FAM177A1: variants seen among roughly 807,000 people sequenced by gnomAD.
FAM177A1 encodes protein FAM177A1.
In FAM177A1, 22 loss-of-function variants were observed where a neutral mutation model predicts 26.1. The observed-to-expected ratio is 0.84, with a 90% CI of 0.60 to 1.20. The LOEUF (loss-of-function observed/expected upper bound fraction) is 1.20. Among genes scored for constraint, FAM177A1 ranks in the 50% most tolerant of loss-of-function variants. FAM177A1 has a pLI of 0.00. For synonymous variants in FAM177A1, 95 were observed against 99.3 expected (o/e 0.96, Z 0.26); for missense variants, 296 against 291.1 (o/e 1.02, Z -0.12).
At chr14:35,076,710 T>TCTGAACCTTAATTTCC (rs1442872856) in intron 2 of FAM177A1, among the ~76,000 whole-genome samples, 1 of 152,102 alleles carries the variant, frequency 6.6e-6, no homozygotes, top group Admixed American at 6.5e-5. Flanking sequence ...GCTTAATTTC[T>TCTGAACCTTAATTTCC]CTGAACCTTA....
chr14:35,049,038 A>G (rs2044921776), intron 1 of FAM177A1, among the ~76,000 whole-genome samples: 1 of 151,878 alleles, frequency 6.6e-6, no homozygotes, highest in Admixed American at 6.6e-5. Context: ...CTACAGGCGC[A>G]CGCAACCACA....
chr14:35,060,033 G>A (rs534317616), intron 2 of FAM177A1, among the ~76,000 whole-genome samples: 1 of 151,384 alleles, frequency 6.6e-6, no homozygotes, highest in African/African-American at 2.4e-5. Context: ...GAGTGCAGTG[G>A]CGTGATCTCG....
rs531028920 is a variant in FAM177A1, at chr14:35,066,875, C to T, written c.340-10275C>T. On this transcript the variant is annotated intron_variant, in intron 2 of 4. Transcript: ENST00000280987. ...ATGGCACAATCTCAGCTCACCGCAA[C>T]CTCTGCCTCCTGGGTTAAAGCGATT... Among the ~76,000 whole-genome samples, 159 of 151,470 alleles carry T rather than the reference C, an allele frequency of 1.0e-3. 1 individual carries two copies. Among genetic ancestry groups the T allele is most frequent in the African/African-American group, 3.5e-3 (145 of 41,252 alleles).
intron 2 of FAM177A1, among the ~76,000 whole-genome samples, chr14:35,054,365 T>C (rs1414509934): frequency 6.6e-6 from 1 of 152,218 alleles, no homozygotes; most frequent in Admixed American, 6.5e-5. Context: ...ACTAGCTATA[T>C]ATTTATAAAG....
In FAM177A1 at chr14:35,082,922, TAGTA is replaced by T. The variant is rs527463486; in HGVS notation, c.*1698_*1701del. On this transcript the variant is annotated 3_prime_UTR_variant, in exon 5 of 5. Coordinates refer to ENST00000280987, the MANE Select transcript of FAM177A1 (RefSeq NM_173607.5). ...CATGGATTCATGGAATGGTGGTTCA[TAGTA>T]AGTGATGGTAATCTTTTTATTCATG... The T allele has an allele frequency of 1.8e-4, 28 of 152,212 alleles. No homozygotes were observed. Among genetic ancestry groups the T allele is most frequent in the Non-Finnish European group, 3.4e-4 (23 of 68,028 alleles). 9.4% of individuals were successfully genotyped at this position (152,212 alleles called of 1,614,324 possible).
chr14:35,080,983 C>A (rs376689716), intron 4 of FAM177A1, 39 bp from the exon 5 acceptor site: 2 of 1,516,376 alleles, frequency 1.3e-6, no homozygotes, highest in Non-Finnish European at 1.8e-6. Flanking sequence ...TTTGGACTTT[C>A]GTATTTCAAC....
chr14:35,053,584 AT>A (rs2045012567), intron 2 of FAM177A1, 133 bp downstream of exon 2: 1 of 779,248 alleles, frequency 1.3e-6, no homozygotes, highest in East Asian at 2.7e-5. Context: ...ATGTATGGTG[AT>A]TTTGATAGAA....
In FAM177A1 at chr14:35,071,205, G is replaced by A. The variant is rs562836250; in HGVS notation, c.340-5945G>A. 2.0e-5 allele frequency among the ~76,000 whole-genome samples: 3 copies of A among 151,954 alleles called. No homozygotes were observed. In the East Asian group the frequency reaches 5.8e-4, roughly 29 times the overall value. On this transcript the variant is annotated intron_variant, in intron 2 of 4. Coordinates refer to ENST00000280987, the MANE Select transcript of FAM177A1 (RefSeq NM_173607.5). ...TTAGAGACAGGGTTTCACCGTGTTA[G>A]CCAGGATGGTCTCGATCTCTTGACC...
chr14:35,077,240 T>C, intron 3 of FAM177A1, 24 bp downstream of exon 3: 2 of 1,605,174 alleles, frequency 1.2e-6, no homozygotes, highest in Non-Finnish European at 1.7e-6. Context: ...GCTTGAATAT[T>C]GTATAATTGC....
chr14:35,068,721 C>G (rs561697626), intron 2 of FAM177A1, among the ~76,000 whole-genome samples: 7 of 152,242 alleles, frequency 4.6e-5, no homozygotes, highest in African/African-American at 1.7e-4. Flanking sequence ...TTTTGTGCTG[C>G]TATAATGGAA....
At chr14:35,063,821 C>G (rs894223935) in intron 2 of FAM177A1, among the ~76,000 whole-genome samples, 8 of 150,578 alleles carry the variant, frequency 5.3e-5, no homozygotes, top group Admixed American at 4.6e-4. Context: ...GGGCAGATCA[C>G]TTGAGGCCAG....
At chr14:35,064,785 G>C (rs1379211486) in intron 2 of FAM177A1, among the ~76,000 whole-genome samples, 3 of 151,860 alleles carry the variant, frequency 2.0e-5, no homozygotes, top group Admixed American at 1.3e-4. Context: ...CCGAGTAGCT[G>C]GGAATGCAGG....
At chr14:35,059,643 C>T (rs1030922223) in intron 2 of FAM177A1, among the ~76,000 whole-genome samples, 1 of 150,528 alleles carries the variant, frequency 6.6e-6, no homozygotes, top group Admixed American at 6.7e-5. Context: ...GGGTGATTCT[C>T]CTGCCTCAGC....
At chr14:35,053,705 T>G (rs1268975053) in intron 2 of FAM177A1, among the ~76,000 whole-genome samples, 1 of 152,086 alleles carries the variant, frequency 6.6e-6, no homozygotes, top group Non-Finnish European at 1.5e-5. Flanking sequence ...GATTTAAGAT[T>G]GATCAGCCAG....
Position 35,046,572 on chromosome 14 carries a change from G to C in FAM177A1, c.109G>C (p.Ala37Pro), listed in dbSNP as rs772814193. ...EPVGGVERGEAVAASGAAAAA... is the reference protein window; with the variant it reads ...EPVGGVERGEPVAASGAAAAA... ...AGTGGGCGGTGTGGAACGAGGAGAA[G>C]CCGTCGCAGCCTCGGGAGCTGCGGC... Residue 37 changes from alanine (A) to proline (P), a missense_variant, in exon 1 of 5, where the codon GCC becomes CCC. Ala to Pro is a conservative substitution (Grantham distance 27). Transcript: ENST00000280987. 2 of 1,571,986 alleles carry C rather than the reference G, an allele frequency of 1.3e-6. No homozygotes were observed. Among genetic ancestry groups the C allele is most frequent in the Admixed American group, 3.7e-5 (2 of 53,424 alleles).
intron 4 of FAM177A1, among the ~76,000 whole-genome samples, chr14:35,079,623 C>G (rs1328784344): frequency 1.3e-5 from 2 of 152,178 alleles, no homozygotes; most frequent in Admixed American, 6.6e-5. Flanking sequence ...CACTTAACCC[C>G]TCTATAAGCC....
At chr14:35,048,937 C>CTG (rs2044919290) in intron 1 of FAM177A1, among the ~76,000 whole-genome samples, 1 of 150,070 alleles carries the variant, frequency 6.7e-6, no homozygotes, top group Non-Finnish European at 1.5e-5. Flanking sequence ...GTGGCCCAGG[C>CTG]TGGAGTGCAG....
chr14:35,058,335 ATTACAGGT>A (rs1480851356), intron 2 of FAM177A1, among the ~76,000 whole-genome samples: 23 of 152,236 alleles, frequency 1.5e-4, no homozygotes, highest in Admixed American at 5.9e-4. Context: ...AAGAGCTGGT[ATTACAGGT>A]GTGAGCCACC....
At chr14:35,066,211 T>TA (rs1372213615) in intron 2 of FAM177A1, among the ~76,000 whole-genome samples, 1 of 151,694 alleles carries the variant, frequency 6.6e-6, no homozygotes, top group Non-Finnish European at 1.5e-5. Flanking sequence ...GGACTACAGA[T>TA]ATAGGCCACC....
Sources: allele counts gnomAD v4.1 joint callset (sites outside exome capture counted in the v4.1 genomes callset), GRCh38; gene constraint gnomAD v4.1.1; transcripts MANE v1.5; gene names NCBI Gene and HGNC (gene_info 2026-07-23, HGNC 2026-07-21).